RFC3: variants seen among roughly 807,000 people sequenced by gnomAD.
RFC3 encodes the protein replication factor C subunit 3, also known as A1 38 kDa subunit.
A neutral mutation model predicts 45.1 loss-of-function variants in RFC3; 41 were observed. The ratio of observed to expected loss-of-function variants is 0.91; its 90% CI spans 0.71 to 1.18. The LOEUF is 1.18. Ranked by LOEUF, RFC3 falls within the 50% of genes most tolerant of loss-of-function variation. The probability of loss-of-function intolerance (pLI) is 0.00; values close to 1 mark genes in which losing one functional copy is unlikely to be tolerated. For missense variants in RFC3, 423 were observed against 428.1 expected (o/e 0.99, Z 0.10); for synonymous variants, 149 against 144.0 (o/e 1.03, Z -0.25).
the RFC3 span, among the ~76,000 whole-genome samples, chr13:33,971,912 G>C: frequency 0.018 from 2,776 of 151,972 alleles, 103 homozygotes; most frequent in African/African-American, 0.064. Flanking sequence ...AGGAGTTCAA[G>C]AACAGCCTGA....
chr13:33,866,804 A>G (rs1443343660), intron 8 of RFC3, among the ~76,000 whole-genome samples: 1 of 152,242 alleles, frequency 6.6e-6, no homozygotes, highest in African/African-American at 2.4e-5. Flanking sequence ...AATTTCTGAA[A>G]TTCCACTAAG....
At chr13:33,876,506 G>A (rs4943164) in intron 8 of RFC3, among the ~76,000 whole-genome samples, 14,256 of 152,000 alleles carry the variant, frequency 0.094, 1,259 homozygotes, top group African/African-American at 0.21. Context: ...ATCCATTTTA[G>A]GTAATTTAGA....
chr13:33,841,371 C>T (rs9538905), downstream of RFC3, among the ~76,000 whole-genome samples: 108,276 of 152,088 alleles, frequency 0.71, 42,683 homozygotes, highest in Non-Finnish European at 0.9. Context: ...GTTGGTATTG[C>T]AGTGAGCTTA....
Position 33,821,181 on chromosome 13 carries a change from C to T in RFC3, c.137C>T (p.Ala46Val). Reference sequence around the variant, plus strand: ...CTGTTAGTGTACGGACCATCAGGTGCTGGAAAAAAGACAAGAATTATGTGT... The same window carrying T: ...CTGTTAGTGTACGGACCATCAGGTGTTGGAAAAAAGACAAGAATTATGTGT... ...PHLLVYGPSG[A>V]GKKTRIMCIL... Residue 46 changes from alanine (A) to valine (V), a missense_variant, in exon 2 of 9, where the codon GCT becomes GTT. By Grantham distance (64) the Ala-to-Val change is moderately conservative (BLOSUM62 0). Transcript: ENST00000380071. The T allele has an allele frequency of 6.2e-7, 1 of 1,613,284 alleles. No individual in the cohort carries two copies. The highest frequency in any genetic ancestry group is 2.2e-5 in the East Asian group (1 of 44,846).
At chr13:33,853,390 C>G (rs2082289187) in intron 8 of RFC3, among the ~76,000 whole-genome samples, 1 of 152,138 alleles carries the variant, frequency 6.6e-6, no homozygotes, top group African/African-American at 2.4e-5. Flanking sequence ...CCCCTTGAGA[C>G]AGAAAATCAA....
downstream of RFC3, among the ~76,000 whole-genome samples, chr13:33,969,325 G>A (rs2137882404): frequency 6.6e-6 from 1 of 152,292 alleles, no homozygotes. Flanking sequence ...GTGAACCTTG[G>A]CAACTTAGAG....
At chr13:33,910,185 T>C (rs935319767) in intron 8 of RFC3, among the ~76,000 whole-genome samples, 1 of 152,096 alleles carries the variant, frequency 6.6e-6, no homozygotes. Context: ...TCCTACTCGG[T>C]TCTGGGCATG....
chr13:33,898,989 T>C (rs886836407), intron 8 of RFC3, among the ~76,000 whole-genome samples: 3 of 151,248 alleles, frequency 2.0e-5, no homozygotes, highest in Admixed American at 6.6e-5. Context: ...CAATAACAAG[T>C]AATGAGATCA....
At chr13:33,915,069 C>T (rs2082724964) in intron 8 of RFC3, among the ~76,000 whole-genome samples, 1 of 152,142 alleles carries the variant, frequency 6.6e-6, no homozygotes, top group African/African-American at 2.4e-5. Context: ...GCCTTCCTTG[C>T]TTTTAGAATT....
At chr13:33,948,332 G>T (rs1031550782) in intron 8 of RFC3, among the ~76,000 whole-genome samples, 1 of 152,228 alleles carries the variant, frequency 6.6e-6, no homozygotes, top group African/African-American at 2.4e-5. Context: ...CAGAAGTCAA[G>T]AATTGAGGCT....
chr13:33,948,627 G>A (rs555053999), intron 8 of RFC3, among the ~76,000 whole-genome samples: 4 of 152,318 alleles, frequency 2.6e-5, no homozygotes, highest in Non-Finnish European at 2.9e-5. Flanking sequence ...ATTCAGCCAG[G>A]AGAGGGGCTG....
intron 8 of RFC3, among the ~76,000 whole-genome samples, chr13:33,872,133 G>A (rs2082414113): frequency 6.6e-6 from 1 of 152,066 alleles, no homozygotes; most frequent in Admixed American, 6.6e-5. Flanking sequence ...CATGTCCCTG[G>A]CTGTGACAAA....
At chr13:33,835,595 C>T in intron 8 of RFC3, 1 of 398,436 alleles carries the variant, frequency 2.5e-6, no homozygotes, top group Non-Finnish European at 4.8e-6. Flanking sequence ...TAACAGACCT[C>T]TTTTCTATTC....
intron 8 of RFC3, among the ~76,000 whole-genome samples, chr13:33,880,802 G>A (rs889131056): frequency 9.2e-5 from 14 of 152,168 alleles, no homozygotes; most frequent in East Asian, 5.8e-4. Flanking sequence ...GCACGGTGGC[G>A]CACGCCTGTA....
intron 8 of RFC3, among the ~76,000 whole-genome samples, chr13:33,893,667 A>G (rs1025272631): frequency 2.6e-5 from 4 of 152,106 alleles, no homozygotes; most frequent in Non-Finnish European, 5.9e-5. Flanking sequence ...GACTAATTTT[A>G]TGAAGACTGA....
At chr13:33,866,046 G>T (rs2082371445) in intron 8 of RFC3, among the ~76,000 whole-genome samples, 1 of 152,138 alleles carries the variant, frequency 6.6e-6, no homozygotes. Context: ...GCACAAGAGT[G>T]AGACTCCATC....
chr13:33,837,820 A>T (rs897607346), downstream of RFC3, among the ~76,000 whole-genome samples: 1 of 152,046 alleles, frequency 6.6e-6, no homozygotes, highest in Non-Finnish European at 1.5e-5. Flanking sequence ...TTTCTAATAT[A>T]ATTTAAAGTT....
At chr13:33,905,465 C>G (rs753538012) in intron 8 of RFC3, among the ~76,000 whole-genome samples, 12 of 151,590 alleles carry the variant, frequency 7.9e-5, no homozygotes, top group Non-Finnish European at 1.6e-4. Flanking sequence ...GGCAAAAAAT[C>G]TAAGCCTGAA....
rs539063885 is a variant in RFC3, at chr13:33,916,963, T to A, written c.880-49124T>A. Among the ~76,000 whole-genome samples the A allele has an allele frequency of 2.8e-4, 43 of 152,298 alleles. 3 individuals carry two copies. In the South Asian group the frequency reaches 7.0e-3, roughly 25 times the overall value. Reference sequence around the variant, plus strand: ...GTCAGAGTTGTTATTTTGACTTTTTTAAAATTAAAGATGCAATTTCTAAAT... The same window carrying A: ...GTCAGAGTTGTTATTTTGACTTTTTAAAAATTAAAGATGCAATTTCTAAAT... On this transcript the variant is annotated intron_variant, in intron 8 of 8. Transcript: ENST00000434425.
Sources: allele counts gnomAD v4.1 joint callset (sites outside exome capture counted in the v4.1 genomes callset), GRCh38; gene constraint gnomAD v4.1.1; transcripts MANE v1.5; gene names NCBI Gene and HGNC (gene_info 2026-07-23, HGNC 2026-07-21).